CACNA1A: variants seen among roughly 807,000 people sequenced by gnomAD.
The protein encoded by CACNA1A is calcium voltage-gated channel subunit alpha1 A, also known as voltage-dependent P/Q-type calcium channel subunit alpha-1A.
A neutral mutation model predicts 262.4 loss-of-function variants in CACNA1A; 57 were observed. The ratio of observed to expected loss-of-function variants is 0.22; its 90% CI spans 0.18 to 0.27. CACNA1A has a LOEUF of 0.27. Ranked by LOEUF, CACNA1A falls within the 10% of genes least tolerant of loss-of-function variation. The probability of loss-of-function intolerance (pLI) is 1.00; values close to 1 mark genes in which losing one functional copy is unlikely to be tolerated. For synonymous variants in CACNA1A, 1,431 were observed against 1,419.3 expected (o/e 1.01, Z -0.18); for missense variants, 2,526 against 3,562.8 (o/e 0.71, Z 7.41).
intron 6 of CACNA1A, among the ~76,000 whole-genome samples, chr19:13,338,232 A>G (rs1046455779): frequency 4.0e-4 from 61 of 152,152 alleles, no homozygotes; most frequent in South Asian, 2.1e-4. Flanking sequence ...AAAGAATCTA[A>G]AAACAGAAAA....
At chr19:13,287,207 C>T (rs1257957237) in intron 19 of CACNA1A, among the ~76,000 whole-genome samples, 5 of 152,096 alleles carry the variant, frequency 3.3e-5, no homozygotes, top group African/African-American at 4.8e-5. Flanking sequence ...TGTAAATTGA[C>T]GGGCGTGGCG....
intron 24 of CACNA1A, among the ~76,000 whole-genome samples, chr19:13,270,378 C>A (rs2056986661): frequency 7.6e-6 from 1 of 131,482 alleles, no homozygotes; most frequent in Non-Finnish European, 1.5e-5. Flanking sequence ...GTTAAAAGAC[C>A]AGAAAGGAAA....
intron 24 of CACNA1A, chr19:13,263,179 CTTTTT>C (rs1042973911): frequency 2.3e-4 from 56 of 243,056 alleles, no homozygotes; most frequent in Middle Eastern, 1.6e-3. Context: ...TTTCTTTTTT[CTTTTT>C]TGAGACAGGG....
chr19:13,230,287 C>CA, intron 35 of CACNA1A, 78 bp from the exon 36 acceptor site: 1 of 1,524,710 alleles, frequency 6.6e-7, no homozygotes, highest in South Asian at 1.2e-5. Flanking sequence ...AGGATACAGA[C>CA]AGACAGACGG....
At chr19:13,208,716 C>G in intron 46 of CACNA1A, 40 bp downstream of exon 46, 1 of 1,532,568 alleles carries the variant, frequency 6.5e-7, no homozygotes, top group Admixed American at 1.9e-5. Context: ...CCCCGCCTCC[C>G]GGCCGAGCCC....
intron 37 of CACNA1A, chr19:13,226,551 T>C (rs982130352): frequency 6.6e-6 from 1 of 152,242 alleles, no homozygotes; most frequent in Non-Finnish European, 1.5e-5. Flanking sequence ...ATCCCTGAAC[T>C]TCTTGTGGAT....
At chr19:13,386,626 TA>T (rs894994060) in intron 3 of CACNA1A, among the ~76,000 whole-genome samples, 3 of 151,574 alleles carry the variant, frequency 2.0e-5, no homozygotes, top group African/African-American at 2.4e-5. Context: ...CTATCTCTAC[TA>T]AAAAAAATAC....
intron 15 of CACNA1A, chr19:13,307,476 C>T (rs1476044531): frequency 5.2e-5 from 14 of 269,738 alleles, no homozygotes; most frequent in Admixed American, 2.5e-4. Context: ...TCAAGTGATC[C>T]GCCCACCTGG....
At chr19:13,500,805 G>A (rs373881673) in intron 1 of CACNA1A, among the ~76,000 whole-genome samples, 1 of 152,230 alleles carries the variant, frequency 6.6e-6, no homozygotes, top group South Asian at 2.1e-4. Context: ...AATGTCCTTC[G>A]GCTGGGAAGC....
chr19:13,242,000 T>C lies in CACNA1A; in HGVS notation c.4950+3182A>G, dbSNP rs1169960387. Among the ~76,000 whole-genome samples, 2 of 152,108 alleles carry C rather than the reference T, an allele frequency of 1.3e-5. No individual in the cohort carries two copies. Among genetic ancestry groups the C allele is most frequent in the Admixed American group, 1.3e-4 (2 of 15,260 alleles). ...TTCCTGTCTCAGCCTGGCCAAGCCC[T>C]GGCCTCAGAACTAGTGGGCTTACCT... On this transcript the variant is annotated intron_variant, in intron 31 of 46. Transcript: ENST00000360228. The surrounding 1 kb of genome is among the most constrained non-coding windows in gnomAD (Gnocchi z 4.0).
intron 3 of CACNA1A, among the ~76,000 whole-genome samples, chr19:13,430,450 C>T (rs12980492): frequency 0.26 from 39,914 of 152,014 alleles, 5,370 homozygotes; most frequent in African/African-American, 0.29. Context: ...CAGGTATCTG[C>T]CCGCCTCGGC....
intron 3 of CACNA1A, among the ~76,000 whole-genome samples, chr19:13,448,614 A>G (rs2060859871): frequency 6.6e-6 from 1 of 152,228 alleles, no homozygotes; most frequent in Admixed American, 6.5e-5. Context: ...GAATTGGCAC[A>G]ACCACTTTGC....
At chr19:13,469,917 G>A (rs1286449200) in intron 1 of CACNA1A, among the ~76,000 whole-genome samples, 2 of 151,780 alleles carry the variant, frequency 1.3e-5, no homozygotes, top group Admixed American at 1.3e-4. Context: ...GCACTTTCTT[G>A]CCTCCTGTTT....
chr19:13,463,907 G>A (rs962637637), intron 1 of CACNA1A, among the ~76,000 whole-genome samples: 7 of 152,136 alleles, frequency 4.6e-5, no homozygotes, highest in Non-Finnish European at 8.8e-5. Flanking sequence ...CTTGGGCAAG[G>A]CAGTTTCCTT....
At chr19:13,310,611 C>T (rs8108973) in intron 12 of CACNA1A, among the ~76,000 whole-genome samples, 46,530 of 146,222 alleles carry the variant, frequency 0.32, 7,441 homozygotes, top group Middle Eastern at 0.43. Context: ...TGCCATGTTA[C>T]ATGGGTGAGA....
At chr19:13,414,822 G>C (rs1416786466) in intron 3 of CACNA1A, among the ~76,000 whole-genome samples, 2 of 152,070 alleles carry the variant, frequency 1.3e-5, no homozygotes, top group African/African-American at 4.8e-5. Context: ...ATTTGCCCGG[G>C]TGTGGTGGCG....
At chr19:13,409,205 C>T (rs8100433) in intron 3 of CACNA1A, among the ~76,000 whole-genome samples, 5 of 151,842 alleles carry the variant, frequency 3.3e-5, no homozygotes, top group Non-Finnish European at 7.4e-5. Context: ...CCGTGGGGTA[C>T]GGATGACATT....
At chr19:13,230,764 G>A (rs2055633334) in intron 35 of CACNA1A, among the ~76,000 whole-genome samples, 2 of 151,226 alleles carry the variant, frequency 1.3e-5, no homozygotes, top group South Asian at 2.1e-4. Flanking sequence ...CTGAGGTCTC[G>A]CCACTGCACT....
At chr19:13,382,505 G>A (rs1420663000) in intron 3 of CACNA1A, among the ~76,000 whole-genome samples, 1 of 152,198 alleles carries the variant, frequency 6.6e-6, no homozygotes, top group East Asian at 1.9e-4. Flanking sequence ...TATGGAGGCA[G>A]AAGGCTCCAC....
Sources: allele counts gnomAD v4.1 joint callset (sites outside exome capture counted in the v4.1 genomes callset), GRCh38; gene constraint gnomAD v4.1.1; non-coding constraint Gnocchi (gnomAD v3.1); transcripts MANE v1.5; gene names NCBI Gene and HGNC (gene_info 2026-07-23, HGNC 2026-07-21).